LRRTM1: variants seen among roughly 807,000 people sequenced by gnomAD.
The protein encoded by LRRTM1 is leucine-rich repeat transmembrane neuronal protein 1.
A neutral mutation model predicts 37.3 loss-of-function variants in LRRTM1; 8 were observed. The ratio of observed to expected loss-of-function variants is 0.21; its 90% CI spans 0.13 to 0.39. The LOEUF is 0.39. LRRTM1 is among the 10% of genes least tolerant of loss of function. The probability of loss-of-function intolerance (pLI) is 1.00; values close to 1 mark genes in which losing one functional copy is unlikely to be tolerated. For missense variants in LRRTM1, 557 were observed against 691.0 expected (o/e 0.81, Z 2.17); for synonymous variants, 326 against 316.8 (o/e 1.03, Z -0.31).
chr2:80,290,229 A>G (rs1675119305), intron 2 of LRRTM1, among the ~76,000 whole-genome samples: 2 of 152,286 alleles, frequency 1.3e-5, no homozygotes, highest in South Asian at 4.1e-4. Context: ...CATGCCAGAT[A>G]GTTTTTTAGT....
Position 80,303,089 on chromosome 2 carries a change from T to G in LRRTM1, c.731A>C (p.Lys244Thr). The change falls in exon 2 of 2, where the codon AAG (lysine) becomes ACG (threonine). Residue 244 changes from lysine to threonine, a missense_variant. Physicochemically the swap from Lys to Thr is moderately conservative, Grantham distance 78. Transcript: ENST00000295057. The surrounding 1 kb of genome is among the most constrained non-coding windows in gnomAD (Gnocchi z 7.7). ...CAGCGAGCTGACCACAATGGCCACCTTGTTCCTCCGCAGGCAGAGCGAGTG... is the reference window on the plus strand; with the variant it reads ...CAGCGAGCTGACCACAATGGCCACCGTGTTCCTCCGCAGGCAGAGCGAGTG... ...SLHSLCLRRN[K>T]VAIVVSSLDW... 1 of 1,613,934 alleles carries G rather than the reference T, an allele frequency of 6.2e-7. No homozygotes were observed. The highest frequency in any genetic ancestry group is 8.5e-7 in the Non-Finnish European group (1 of 1,180,000).
rs1472359389 is a variant in LRRTM1 at position 80,303,284 on chromosome 2, C to A, written c.536G>T (p.Arg179Leu). 2 of 1,613,414 alleles carry A rather than the reference C, an allele frequency of 1.2e-6. No homozygotes were observed. Among genetic ancestry groups the A allele is most frequent in the Admixed American group, 1.7e-5 (1 of 60,022 alleles). The change falls in exon 2 of 2, where the codon CGC becomes CTC. Residue 179 changes from arginine (R) to leucine (L), a missense_variant. Transcript: ENST00000295057. The surrounding 1 kb of genome is among the most constrained non-coding windows in gnomAD (Gnocchi z 7.7). The stretch of plus-strand genomic sequence containing the variant: ...GAGGCTGCGGCAGTCCTGGAAGATG[C>A]GCACGGGCACAAACTGGATGGCGTT... ...RANAIQFVPV[R>L]IFQDCRSLKF...
chr2:80,290,598 A>T lies in LRRTM1; in HGVS notation c.*307-1403T>A, dbSNP rs1005222171. 4.6e-5 allele frequency among the ~76,000 whole-genome samples: 7 copies of T among 150,754 alleles called. No individual in the cohort carries two copies. The South Asian group carries it at 6.3e-4, about 14-fold the overall frequency. On this transcript the variant is annotated intron_variant and NMD_transcript_variant, in intron 2 of 2. Coordinates refer to the LRRTM1 transcript ENST00000417012. ...GCCCCCTTGAAAATACTATTTAGAC[A>T]TTTTTTTTCCTAATTACTCCCCCTC...
At position 80,303,288 on chromosome 2, in the gene LRRTM1, C is replaced by A; in HGVS notation, c.532G>T (p.Val178Leu). 6.2e-7 allele frequency: 1 copy of A among 1,613,530 alleles called. No individual in the cohort carries two copies. ...CTGCGGCAGTCCTGGAAGATGCGCA[C>A]GGGCACAAACTGGATGGCGTTGGCC... ...MRANAIQFVP[V>L]RIFQDCRSLK... The change falls in exon 2 of 2, where the codon GTG becomes TTG. Residue 178 changes from valine to leucine, a missense_variant. Physicochemically the swap from Val to Leu is conservative, Grantham distance 32. Coordinates refer to ENST00000295057, the MANE Select transcript of LRRTM1 (RefSeq NM_178839.5). This position sits in a 1 kb window ranked among gnomAD's most constrained non-coding sequence, Gnocchi z 7.7.
At chr2:80,301,056 A>T (rs1676258561), downstream of LRRTM1, among the ~76,000 whole-genome samples, 1 of 152,006 alleles carries the variant, frequency 6.6e-6, no homozygotes, top group Admixed American at 6.5e-5. Flanking sequence ...ATATGCAAAC[A>T]CAGGATCAAA....
In LRRTM1 at chr2:80,304,508, C is replaced by G. The variant is rs1258268602; in HGVS notation, c.-416G>C. On this transcript the variant is annotated 5_prime_UTR_variant, in exon 1 of 2. Coordinates refer to ENST00000295057, the MANE Select transcript of LRRTM1 (RefSeq NM_178839.5). ...AGGATCTGACAGTCTGGTTAATGTC[C>G]GTCATTGGAAACGACCACTGACCGG... is the stretch of plus-strand genomic sequence containing the variant. 1 of 153,330 alleles carries G rather than the reference C, an allele frequency of 6.5e-6. No individual in the cohort carries two copies. Among genetic ancestry groups the G allele is most frequent in the African/African-American group, 2.4e-5 (1 of 41,426 alleles). The allele number at this position is 153,330 out of a possible 1,614,324, so 9.5% of individuals were successfully genotyped here.
At chr2:80,291,822 G>T (rs1018772209) in intron 2 of LRRTM1, among the ~76,000 whole-genome samples, 2 of 152,188 alleles carry the variant, frequency 1.3e-5, no homozygotes, top group African/African-American at 4.8e-5. Context: ...AGATGTGTGT[G>T]CACATGGCCA....
rs765724567 is a variant in LRRTM1 at position 80,302,659 on chromosome 2, A to G, written c.1161T>C (p.Pro387=). The G allele has an allele frequency of 6.2e-7, 1 of 1,609,960 alleles. No homozygotes were observed. The highest frequency in any genetic ancestry group is 1.1e-5 in the South Asian group (1 of 90,978). ...CCGCGAGCGTGGTGGCCGAGCTGGC[A>G]GGGGGCCCCAGATCACTGCGGTTGG... ...AVTNRSDLGP[P]ASSATTLADG... The change falls in exon 2 of 2, where the codon CCT becomes CCC. Residue 387 remains proline (P), a synonymous_variant. Transcript: ENST00000295057. The surrounding 1 kb of genome is among the most constrained non-coding windows in gnomAD (Gnocchi z 6.4).
At position 80,304,332 on chromosome 2, in the gene LRRTM1, A is replaced by C. The variant is rs1484079999; in HGVS notation, c.-240T>G. ...GCTCGGGGCTGCAAGGGCGGCCGGCAAGGCGGGGAGGCGACTTCTAGGACC... is the reference window on the plus strand; with the variant it reads ...GCTCGGGGCTGCAAGGGCGGCCGGCCAGGCGGGGAGGCGACTTCTAGGACC... On this transcript the variant is annotated 5_prime_UTR_variant, in exon 1 of 2. Coordinates refer to ENST00000295057, the MANE Select transcript of LRRTM1 (RefSeq NM_178839.5). The C allele has an allele frequency of 6.5e-6, 1 of 152,826 alleles. No homozygotes were observed. Among genetic ancestry groups the C allele is most frequent in the African/African-American group, 2.4e-5 (1 of 41,428 alleles). The allele number at this position is 152,826 out of a possible 1,614,324, so 9.5% of individuals were successfully genotyped here.
chr2:80,294,675 C>A (rs1047085789), intron 2 of LRRTM1, among the ~76,000 whole-genome samples: 2 of 152,002 alleles, frequency 1.3e-5, no homozygotes, highest in Non-Finnish European at 2.9e-5. Context: ...TTCTCCTCAC[C>A]AAGGCCACAC....
At position 80,302,214 on chromosome 2, in the gene LRRTM1, T is replaced by A; in HGVS notation, c.*37A>T. 1.3e-6 allele frequency: 2 copies of A among 1,588,762 alleles called. No individual in the cohort carries two copies. Among genetic ancestry groups the A allele is most frequent in the Admixed American group, 3.4e-5 (2 of 59,010 alleles). ...CCGGCCCGTCCCGGCTGCCCAGGCGTATTTGGTAGCGCATGGGTTGAGAGC... is the reference window on the plus strand; with the variant it reads ...CCGGCCCGTCCCGGCTGCCCAGGCGAATTTGGTAGCGCATGGGTTGAGAGC... On this transcript the variant is annotated 3_prime_UTR_variant, in exon 2 of 2. Coordinates refer to ENST00000295057, the MANE Select transcript of LRRTM1 (RefSeq NM_178839.5). The surrounding 1 kb of genome is among the most constrained non-coding windows in gnomAD (Gnocchi z 6.4).
chr2:80,291,894 A>G lies in LRRTM1; in HGVS notation c.*307-2699T>C, dbSNP rs75217414. 7.6e-3 allele frequency among the ~76,000 whole-genome samples: 1,160 copies of G among 152,314 alleles called. 7 individuals carry two copies. The highest frequency in any genetic ancestry group is 0.026 in the African/African-American group (1,099 of 41,568). ...ACCACAGTGGTAAAGGCAAGCCACT[A>G]AAGAACCAGAACAAAGTCAGTGAGT... On this transcript the variant is annotated intron_variant and NMD_transcript_variant, in intron 2 of 2. Coordinates refer to the LRRTM1 transcript ENST00000417012.
Position 80,303,195 on chromosome 2 carries a change from A to T in LRRTM1, c.625T>A (p.Phe209Ile). The T allele has an allele frequency of 6.2e-7, 1 of 1,613,896 alleles. No individual in the cohort carries two copies. The highest frequency in any genetic ancestry group is 1.1e-5 in the South Asian group (1 of 91,074). ...SLARNSFAGLFKLTELHLEHN... is the reference protein window; with the variant it reads ...SLARNSFAGLIKLTELHLEHN... ...TCGAGGTGCAGCTCGGTGAGCTTAA[A>T]CAAGCCGGCGAAAGAGTTGCGCGCC... The change falls in exon 2 of 2, where the codon TTT (phenylalanine) becomes ATT (isoleucine). Residue 209 changes from phenylalanine (F) to isoleucine (I), a missense_variant. By Grantham distance (21) the Phe-to-Ile change is conservative. Around this residue, in one of 5 missense-constraint regions of LRRTM1, gnomAD observed 200 missense variants for 249.9 expected, o/e 0.80. Transcript: ENST00000295057. This position sits in a 1 kb window ranked among gnomAD's most constrained non-coding sequence, Gnocchi z 7.7.
At chr2:80,297,692 T>G (rs1675868076), downstream of LRRTM1, among the ~76,000 whole-genome samples, 2 of 152,010 alleles carry the variant, frequency 1.3e-5, no homozygotes, top group South Asian at 4.2e-4. Flanking sequence ...TGGAAAATAC[T>G]CTCAAAAAAT....
chr2:80,302,949 G>C lies in LRRTM1; in HGVS notation c.871C>G (p.Arg291Gly). The change falls in exon 2 of 2, where the codon CGC becomes GGC. Residue 291 changes from arginine (R) to glycine (G), a missense_variant. Physicochemically the swap from Arg to Gly is moderately radical, Grantham distance 125. Transcript: ENST00000295057. The surrounding 1 kb of genome is among the most constrained non-coding windows in gnomAD (Gnocchi z 6.4). ...HLQSLQLDSNRLTYIEPRILN... is the reference protein window; with the variant it reads ...HLQSLQLDSNGLTYIEPRILN... ...ATCCGGGGCTCGATGTAGGTGAGGC[G>C]GTTGGAGTCCAGCTGCAGGGACTGC... 7 of 1,613,992 alleles carry C rather than the reference G, an allele frequency of 4.3e-6. No individual in the cohort carries two copies. Among genetic ancestry groups the C allele is most frequent in the Non-Finnish European group, 5.9e-6 (7 of 1,180,016 alleles).
In LRRTM1 at chr2:80,302,183, TGCCCG is replaced by T; in HGVS notation, c.*63_*67del. The T allele has an allele frequency of 6.4e-7, 1 of 1,554,488 alleles. No homozygotes were observed. Among genetic ancestry groups the T allele is most frequent in the Non-Finnish European group, 8.7e-7 (1 of 1,150,104 alleles). On this transcript the variant is annotated 3_prime_UTR_variant, in exon 2 of 2. Coordinates refer to ENST00000295057, the MANE Select transcript of LRRTM1 (RefSeq NM_178839.5). The surrounding 1 kb of genome is among the most constrained non-coding windows in gnomAD (Gnocchi z 6.4). ...CACAGACAAGGAGACCCCAGCCTGG[TGCCCG>T]CCGGCCCGTCCCGGCTGCCCAGGCG...
At position 80,303,622 on chromosome 2, in the gene LRRTM1, G is replaced by C. The variant is rs747962644; in HGVS notation, c.198C>G (p.Gly66=). Reference sequence around the variant, plus strand: ...TGTAGCGCAGGGACAAGCCCAGCAGGCCGGACAGGTTGTGGGGCGCCTCGG... The same window carrying C: ...TGTAGCGCAGGGACAAGCCCAGCAGCCCGGACAGGTTGTGGGGCGCCTCGG... ...NLTEAPHNLS[G]LLGLSLRYNS... Residue 66 remains glycine (G), a synonymous_variant, in exon 2 of 2, where the codon GGC becomes GGG. Coordinates refer to ENST00000295057, the MANE Select transcript of LRRTM1 (RefSeq NM_178839.5). This position sits in a 1 kb window ranked among gnomAD's most constrained non-coding sequence, Gnocchi z 7.7. 7 of 1,614,056 alleles carry C rather than the reference G, an allele frequency of 4.3e-6. No individual in the cohort carries two copies. The highest frequency in any genetic ancestry group is 5.9e-6 in the Non-Finnish European group (7 of 1,179,984).
At chr2:80,299,721 G>A (rs1219836040), downstream of LRRTM1, 1 of 152,202 alleles carries the variant, frequency 6.6e-6, no homozygotes, top group Non-Finnish European at 1.5e-5. Flanking sequence ...AGATAAAAAT[G>A]TCTTGGGGAT....
downstream of LRRTM1, among the ~76,000 whole-genome samples, chr2:80,300,297 T>G (rs919688386): frequency 7.3e-5 from 10 of 136,680 alleles, no homozygotes; most frequent in Admixed American, 3.8e-4. Flanking sequence ...TGTGTGTGTG[T>G]GTGTGTGTGT....
Sources: allele counts gnomAD v4.1 joint callset (sites outside exome capture counted in the v4.1 genomes callset), GRCh38; gene constraint gnomAD v4.1.1; regional missense constraint gnomAD v4.1.1; non-coding constraint Gnocchi (gnomAD v3.1); transcripts MANE v1.5; gene names NCBI Gene and HGNC (gene_info 2026-07-23, HGNC 2026-07-21).